Variants in SLC39A11 observed in about 807,000 individuals in gnomAD.
SLC39A11 encodes the protein solute carrier family 39 member 11.
Under a neutral mutation model 36.1 loss-of-function variants are expected in SLC39A11, and 33 were observed. The ratio of observed to expected loss-of-function variants is 0.91; its 90% confidence interval spans 0.69 to 1.22. The LOEUF is 1.22. Among genes scored for constraint, SLC39A11 ranks in the 50% most tolerant of loss-of-function variants. The pLI is 0.00. For synonymous variants in SLC39A11, 166 were observed against 170.3 expected (o/e 0.97, Z 0.20); for missense variants, 432 against 430.3 (o/e 1.00, Z -0.03).
intron 7 of SLC39A11, among the ~76,000 whole-genome samples, chr17:72,730,604 CCCT>C (rs1185462114): frequency 6.6e-6 from 1 of 152,196 alleles, no homozygotes; most frequent in African/African-American, 2.4e-5. Flanking sequence ...ATTCTCACTT[CCCT>C]CCTCCATCCT....
intron 7 of SLC39A11, among the ~76,000 whole-genome samples, chr17:72,652,451 C>T (rs2069894848): frequency 6.6e-6 from 1 of 152,208 alleles, no homozygotes; most frequent in Non-Finnish European, 1.5e-5. Context: ...ACCCTCACTT[C>T]ACAGCGTTGC....
chr17:72,709,755 T>G (rs2073041261), intron 7 of SLC39A11, among the ~76,000 whole-genome samples: 1 of 152,220 alleles, frequency 6.6e-6, no homozygotes, highest in Non-Finnish European at 1.5e-5. Flanking sequence ...CCTTTTCACT[T>G]CTAATTGCTG....
At chr17:72,966,473 G>T (rs1442960360) in intron 4 of SLC39A11, among the ~76,000 whole-genome samples, 2 of 152,174 alleles carry the variant, frequency 1.3e-5, no homozygotes, top group Admixed American at 6.5e-5. Flanking sequence ...TCTAGGGCAG[G>T]GGTCCCCAAT....
intron 5 of SLC39A11, 107 bp from the exon 6 acceptor site, chr17:72,849,911 T>A: frequency 8.7e-7 from 1 of 1,143,316 alleles, no homozygotes; most frequent in Non-Finnish European, 1.2e-6. Context: ...TTTTCTTTTT[T>A]GAGACAGGGT....
At chr17:72,849,215 G>A (rs1426435745) in intron 6 of SLC39A11, among the ~76,000 whole-genome samples, 1 of 152,110 alleles carries the variant, frequency 6.6e-6, no homozygotes, top group Non-Finnish European at 1.5e-5. Flanking sequence ...GGGCAGAGGC[G>A]GAAGAAAATC....
At chr17:73,067,467 T>G (rs7211461) in intron 3 of SLC39A11, among the ~76,000 whole-genome samples, 1 of 152,126 alleles carries the variant, frequency 6.6e-6, no homozygotes, top group Admixed American at 6.5e-5. Context: ...GCTGACTCCA[T>G]GAACCTATTT....
Position 72,989,821 on chromosome 17 carries a change from T to C in SLC39A11, c.306+41735A>G, listed in dbSNP as rs186183159. Among the ~76,000 whole-genome samples, 124 of 152,328 alleles carry C rather than the reference T, an allele frequency of 8.1e-4. 1 individual carries two copies. Among genetic ancestry groups the C allele is most frequent in the African/African-American group, 2.4e-3 (99 of 41,578 alleles). On this transcript the variant is annotated intron_variant, in intron 4 of 9. Coordinates refer to ENST00000255559, the MANE Select transcript of SLC39A11 (RefSeq NM_139177.4). ...CCCTGGTATACCACTCTTCCAGTGA[T>C]GGGCTTCACATACAGAAATTACGAA...
intron 4 of SLC39A11, among the ~76,000 whole-genome samples, chr17:73,005,100 G>A (rs1314763916): frequency 3.9e-5 from 6 of 152,146 alleles, no homozygotes; most frequent in South Asian, 2.1e-4. Flanking sequence ...AGGTTTAAGC[G>A]ATTCTCCTTT....
chr17:72,653,594 C>G (rs1268731685), intron 7 of SLC39A11, among the ~76,000 whole-genome samples: 1 of 152,028 alleles, frequency 6.6e-6, no homozygotes, highest in Non-Finnish European at 1.5e-5. Context: ...TGCCCACCAC[C>G]ACGCCCAGCT....
chr17:72,887,294 T>TC lies in SLC39A11; in HGVS notation c.431-37491dup, dbSNP rs552552656. The stretch of plus-strand genomic sequence containing the variant: ...AGCTGGACCCCTGGAAAAGTCTACC[T>TC]CCTCCAGTCTGTATCAGAAAGGGGC... On this transcript the variant is annotated intron_variant, in intron 5 of 9. Coordinates refer to ENST00000255559, the MANE Select transcript of SLC39A11 (RefSeq NM_139177.4). Among the ~76,000 whole-genome samples, 7 of 152,246 alleles carry TC rather than the reference T, an allele frequency of 4.6e-5. No individual in the cohort carries two copies. The East Asian group carries it at 1.2e-3, about 25-fold the overall frequency.
intron 5 of SLC39A11, among the ~76,000 whole-genome samples, chr17:72,900,095 AAAAG>A (rs141705621): frequency 0.51 from 53,471 of 105,090 alleles, 16,349 homozygotes; most frequent in East Asian, 0.72. Context: ...AGAGAAAGAG[AAAAG>A]AAAGAAAGAA....
chr17:72,819,931 C>G (rs984480912), intron 6 of SLC39A11, among the ~76,000 whole-genome samples: 11 of 151,198 alleles, frequency 7.3e-5, no homozygotes, highest in African/African-American at 2.7e-4. Context: ...TCCCCAAACT[C>G]AATCCTGTCA....
chr17:72,891,955 C>A (rs148864023), intron 5 of SLC39A11, among the ~76,000 whole-genome samples: 6 of 152,142 alleles, frequency 3.9e-5, no homozygotes, highest in Non-Finnish European at 5.9e-5. Flanking sequence ...CAGGGCCTAG[C>A]ACAGTGTCCA....
At chr17:72,817,946 T>A (rs919498245) in intron 6 of SLC39A11, 1 of 152,232 alleles carries the variant, frequency 6.6e-6, no homozygotes, top group African/African-American at 2.4e-5. Flanking sequence ...CTTCTTCATA[T>A]GGTGACAGGA....
At chr17:72,837,832 C>G (rs535317275) in intron 6 of SLC39A11, 1 of 734,868 alleles carries the variant, frequency 1.4e-6, no homozygotes, top group East Asian at 3.5e-5. Flanking sequence ...GAAAGTCAGT[C>G]CCGGTTAGGG....
At chr17:72,883,767 G>C (rs1267407514) in intron 5 of SLC39A11, among the ~76,000 whole-genome samples, 3 of 152,210 alleles carry the variant, frequency 2.0e-5, no homozygotes, top group African/African-American at 7.2e-5. Flanking sequence ...CCTTATTGTG[G>C]AGGGAAGGGG....
At chr17:72,770,419 G>C (rs1224162908) in intron 6 of SLC39A11, among the ~76,000 whole-genome samples, 3 of 152,186 alleles carry the variant, frequency 2.0e-5, no homozygotes, top group African/African-American at 7.2e-5. Context: ...CATTCCAGTG[G>C]GATGTGGCAC....
intron 5 of SLC39A11, among the ~76,000 whole-genome samples, chr17:72,879,097 G>GA (rs1353570360): frequency 3.9e-5 from 6 of 152,220 alleles, no homozygotes; most frequent in African/African-American, 1.4e-4. Flanking sequence ...AGGGGGCGTG[G>GA]AGCTTCCACG....
At chr17:72,751,689 T>C (rs2075162443) in intron 6 of SLC39A11, among the ~76,000 whole-genome samples, 1 of 152,160 alleles carries the variant, frequency 6.6e-6, no homozygotes, top group South Asian at 2.1e-4. Flanking sequence ...GTGATTCTTG[T>C]ACCTCAGTGA....
Sources: allele counts gnomAD v4.1 joint callset (sites outside exome capture counted in the v4.1 genomes callset), GRCh38; gene constraint gnomAD v4.1.1; transcripts MANE v1.5; gene names NCBI Gene and HGNC (gene_info 2026-07-23, HGNC 2026-07-21).